Variants in PCDH15 observed in about 807,000 individuals in gnomAD.
The protein encoded by PCDH15 is protocadherin related 15.
PCDH15 carries 129 observed loss-of-function variants against 178.5 expected under a neutral mutation model. That is an observed-to-expected ratio of 0.72 (90% CI 0.63 to 0.84). The LOEUF is 0.84. PCDH15 is among the 40% of genes least tolerant of loss of function. The pLI is 0.00. For missense variants in PCDH15, 2,230 were observed against 2,099.9 expected (o/e 1.06, Z -1.21); for synonymous variants, 800 against 732.0 (o/e 1.09, Z -1.50).
chr10:55,486,528 T>C (rs1211584064), intron 2 of PCDH15, among the ~76,000 whole-genome samples: 1 of 151,596 alleles, frequency 6.6e-6, no homozygotes, highest in East Asian at 1.9e-4. Context: ...AAAATTATGC[T>C]TTTTTTCTGG....
In PCDH15 at chr10:54,317,424, C is replaced by G; in HGVS notation, c.723G>C (p.Leu241=). ...TGGTGGTGGTGGTTCGCCTCTCATT[C>G]AGATTTTGGGCACGGTCCTGTTAGG... ...IIQANDRAQN[L]NERRTTTTTL... is the part of the protein sequence containing the mutation. Residue 241 remains leucine, a synonymous_variant, in exon 8 of 38, where the codon CTG becomes CTC. Coordinates refer to ENST00000644397, the MANE Select transcript of PCDH15 (RefSeq NM_001384140.1). The G allele has an allele frequency of 1.2e-6, 2 of 1,613,824 alleles. No individual in the cohort carries two copies. The highest frequency in any genetic ancestry group is 1.7e-6 in the Non-Finnish European group (2 of 1,179,870).
intron 2 of PCDH15, among the ~76,000 whole-genome samples, chr10:54,659,615 T>C (rs1249701671): frequency 6.6e-6 from 1 of 151,534 alleles, no homozygotes. Flanking sequence ...TAGCTGGGTG[T>C]TAGTGGGGCA....
At chr10:54,932,141 A>G (rs1022966768) in intron 2 of PCDH15, among the ~76,000 whole-genome samples, 7 of 152,224 alleles carry the variant, frequency 4.6e-5, no homozygotes, top group African/African-American at 1.4e-4. Context: ...CTTATAAAAA[A>G]AGTTAACTGT....
At chr10:54,556,251 A>C (rs933748670) in intron 2 of PCDH15, among the ~76,000 whole-genome samples, 1 of 152,166 alleles carries the variant, frequency 6.6e-6, no homozygotes, top group Non-Finnish European at 1.5e-5. Context: ...ATAATAGAAA[A>C]TACTCATTAG....
chr10:53,918,941 C>T (rs1011373958), intron 25 of PCDH15, among the ~76,000 whole-genome samples: 1 of 152,100 alleles, frequency 6.6e-6, no homozygotes, highest in African/African-American at 2.4e-5. Flanking sequence ...GTATCTGTTT[C>T]CTTGTCTTTT....
intron 8 of PCDH15, among the ~76,000 whole-genome samples, chr10:54,297,543 A>G (rs1336444812): frequency 6.6e-6 from 1 of 152,190 alleles, no homozygotes; most frequent in Non-Finnish European, 1.5e-5. Flanking sequence ...GCTTACCTCC[A>G]TATCCTAGCC....
intron 2 of PCDH15, among the ~76,000 whole-genome samples, chr10:54,921,939 G>A (rs1837501057): frequency 6.6e-6 from 1 of 152,156 alleles, no homozygotes; most frequent in South Asian, 2.1e-4. Context: ...GAAAGGGAGT[G>A]AAGAGGGAAG....
intron 18 of PCDH15, among the ~76,000 whole-genome samples, chr10:54,060,035 C>G (rs1202987273): frequency 2.0e-5 from 3 of 152,122 alleles, no homozygotes; most frequent in African/African-American, 7.2e-5. Context: ...AAATCAGGAT[C>G]GCAACCATGA....
In PCDH15 at chr10:54,717,097, A is replaced by G. The variant is rs528308720; in HGVS notation, c.-28-52807T>C. On this transcript the variant is annotated intron_variant, in intron 1 of 37. Transcript: ENST00000644397. Reference sequence around the variant, plus strand: ...ACTGGATCCCTTCCTTACACCTTATACAAAAATTAATTCAAGATGGATTAA... The same window carrying G: ...ACTGGATCCCTTCCTTACACCTTATGCAAAAATTAATTCAAGATGGATTAA... Among the ~76,000 whole-genome samples, 1,080 of 145,036 alleles carry G rather than the reference A, an allele frequency of 7.4e-3. 53 individuals carry two copies. The highest frequency in any genetic ancestry group is 0.026 in the African/African-American group (999 of 38,358).
At chr10:54,691,724 C>A (rs1260603933) in intron 1 of PCDH15, among the ~76,000 whole-genome samples, 1 of 152,136 alleles carries the variant, frequency 6.6e-6, no homozygotes, top group East Asian at 1.9e-4. Flanking sequence ...TAAGAAATTT[C>A]TTTTCACCCT....
intron 2 of PCDH15, among the ~76,000 whole-genome samples, chr10:55,085,653 A>ATTAAAG (rs150841618): frequency 0.04 from 6,133 of 151,902 alleles, 293 homozygotes; most frequent in East Asian, 0.14. Context: ...CAAAAAAATT[A>ATTAAAG]TTAAACTGTT....
At chr10:54,952,613 CTT>C (rs1564659101) in intron 2 of PCDH15, among the ~76,000 whole-genome samples, 2 of 151,648 alleles carry the variant, frequency 1.3e-5, no homozygotes, top group African/African-American at 4.8e-5. Context: ...AATATTGAGT[CTT>C]TCATCAATAT....
intron 1 of PCDH15, among the ~76,000 whole-genome samples, chr10:55,188,802 CTTA>C (rs1368672129): frequency 1.3e-5 from 2 of 151,332 alleles, no homozygotes; most frequent in East Asian, 3.9e-4. Flanking sequence ...AAACTAATTT[CTTA>C]TTATTTCAAT....
At chr10:54,934,964 T>C (rs1720089320) in intron 2 of PCDH15, among the ~76,000 whole-genome samples, 1 of 151,202 alleles carries the variant, frequency 6.6e-6, no homozygotes, top group South Asian at 2.1e-4. Context: ...TAATTCTCAG[T>C]AAACTATCGC....
chr10:54,005,656 T>C (rs1021259797), intron 20 of PCDH15, among the ~76,000 whole-genome samples: 19 of 151,996 alleles, frequency 1.3e-4, no homozygotes, highest in Admixed American at 7.9e-4. Context: ...AGTCAGGCAA[T>C]GGCAAATGCT....
intron 1 of PCDH15, among the ~76,000 whole-genome samples, chr10:55,317,368 C>T (rs1843750701): frequency 6.6e-6 from 1 of 152,042 alleles, no homozygotes; most frequent in African/African-American, 2.4e-5. Flanking sequence ...CTAATAGGGC[C>T]TTATAGGCAG....
chr10:54,347,277 T>A (rs1181180702), intron 5 of PCDH15, among the ~76,000 whole-genome samples: 3 of 152,200 alleles, frequency 2.0e-5, no homozygotes, highest in African/African-American at 7.2e-5. Flanking sequence ...GCTGAAATAC[T>A]ACTCATTAGT....
rs200863026 is a variant in PCDH15, at chr10:53,809,396, T to C, written c.4671+1160A>G. 81 of 1,613,874 alleles carry C rather than the reference T, an allele frequency of 5.0e-5. No individual in the cohort carries two copies. Among genetic ancestry groups the C allele is most frequent in the Middle Eastern group, 3.3e-4 (2 of 6,084 alleles). On this transcript the variant is annotated intron_variant, in intron 37 of 37. Transcript: ENST00000644397. ...CTTTTATCAGCTAATCCTCTAACTTTCTTAAAAATCATGGGGAATATTCTG... is the reference window on the plus strand; with the variant it reads ...CTTTTATCAGCTAATCCTCTAACTTCCTTAAAAATCATGGGGAATATTCTG...
rs529156553 is a variant in PCDH15 at position 55,576,992 on chromosome 10, C to T, written c.-156+50633G>A. Among the ~76,000 whole-genome samples the T allele has an allele frequency of 6.6e-5, 10 of 152,194 alleles. No homozygotes were observed. In the East Asian group the frequency reaches 1.4e-3, roughly 21 times the overall value. ...GGCATGGTGACTCATGCCTGTAATC[C>T]CAGCACTTTGGGAGGCTGAGGCAGG... On this transcript the variant is annotated intron_variant, in intron 2 of 5. Coordinates refer to the PCDH15 transcript ENST00000613346.
Sources: allele counts gnomAD v4.1 joint callset (sites outside exome capture counted in the v4.1 genomes callset), GRCh38; gene constraint gnomAD v4.1.1; transcripts MANE v1.5; gene names NCBI Gene and HGNC (gene_info 2026-07-23, HGNC 2026-07-21).